Variants in RGS7 observed in about 807,000 individuals in gnomAD.
RGS7 encodes the protein regulator of G-protein signaling 7.
In RGS7, 27 loss-of-function variants were observed where a neutral mutation model predicts 81.1. That is an observed-to-expected ratio of 0.33 (90% CI 0.25 to 0.46). The LOEUF (loss-of-function observed/expected upper bound fraction) is 0.46, where lower values mean the gene tolerates loss of function less well. Ranked by LOEUF, RGS7 falls within the 20% of genes least tolerant of loss-of-function variation. The pLI is 1.00. For synonymous variants in RGS7, 208 were observed against 207.7 expected (o/e 1.00, Z -0.01); for missense variants, 396 against 607.4 (o/e 0.65, Z 3.66).
At position 241,065,891 on chromosome 1, in the gene RGS7, G is replaced by A. The variant is rs188749251; in HGVS notation, c.175+32775C>T. ...TAATAGTATCTCGCAAGATTGTTGC[G>A]GGGATTACATAAATCATGTACTTAG... On this transcript the variant is annotated intron_variant, in intron 3 of 18. Coordinates refer to ENST00000440928, the MANE Select transcript of RGS7 (RefSeq NM_001364886.1). Among the ~76,000 whole-genome samples the A allele has an allele frequency of 2.4e-4, 37 of 152,176 alleles. 1 individual carries two copies. Among genetic ancestry groups the A allele is most frequent in the African/African-American group, 8.2e-4 (34 of 41,520 alleles).
At chr1:241,135,981 T>G (rs1443470618) in intron 2 of RGS7, among the ~76,000 whole-genome samples, 3 of 150,484 alleles carry the variant, frequency 2.0e-5, no homozygotes, top group East Asian at 2.0e-4. Context: ...AAAAAACTAG[T>G]TTGTTATTCT....
At chr1:240,877,842 A>C (rs1665708238) in intron 6 of RGS7, among the ~76,000 whole-genome samples, 1 of 152,226 alleles carries the variant, frequency 6.6e-6, no homozygotes, top group African/African-American at 2.4e-5. Flanking sequence ...CTTTATAACC[A>C]AATTTCAGAA....
chr1:240,899,190 G>C (rs1228921608), intron 6 of RGS7, among the ~76,000 whole-genome samples: 1 of 152,114 alleles, frequency 6.6e-6, no homozygotes, highest in Non-Finnish European at 1.5e-5. Flanking sequence ...CTGTACATGA[G>C]ACGGGTCTCC....
In RGS7 at chr1:240,816,388, T is replaced by C. The variant is rs199976031; in HGVS notation, c.712A>G (p.Arg238Gly). Reference sequence around the variant, plus strand: ...GGTGTGTGGGTAGGACTGTGACTTCTAATATCATTTTGTAAACCATAGACA... The same window carrying C: ...GGTGTGTGGGTAGGACTGTGACTTCCAATATCATTTTGTAAACCATAGACA... ...KSVYGLQNDIRSHSPTHTPTP... is the reference protein window; with the variant it reads ...KSVYGLQNDIGSHSPTHTPTP... Residue 238 changes from arginine to glycine, a missense_variant, in exon 11 of 19, where the codon AGA (arginine) becomes GGA (glycine). Arg to Gly is a moderately radical substitution (Grantham distance 125). Coordinates refer to ENST00000440928, the MANE Select transcript of RGS7 (RefSeq NM_001364886.1). The C allele has an allele frequency of 1.2e-4, 198 of 1,607,860 alleles. No homozygotes were observed. Among genetic ancestry groups the C allele is most frequent in the Non-Finnish European group, 1.4e-4 (159 of 1,174,482 alleles).
At chr1:240,808,246 C>T (rs575212738) in intron 14 of RGS7, among the ~76,000 whole-genome samples, 88 of 152,120 alleles carry the variant, frequency 5.8e-4, no homozygotes, top group African/African-American at 2.0e-3. Flanking sequence ...AGGAAGAGAA[C>T]GAACTAGACG....
At chr1:241,106,242 A>T (rs556127587) in intron 2 of RGS7, among the ~76,000 whole-genome samples, 1 of 152,218 alleles carries the variant, frequency 6.6e-6, no homozygotes, top group African/African-American at 2.4e-5. Context: ...TCTAATTGAT[A>T]TGATTTTTCC....
chr1:240,966,940 T>C (rs1682402170), intron 4 of RGS7, among the ~76,000 whole-genome samples: 1 of 152,226 alleles, frequency 6.6e-6, no homozygotes, highest in East Asian at 1.9e-4. Context: ...TGTTTACTGG[T>C]TACCCAACAT....
At chr1:241,065,392 T>C (rs2062002953) in intron 3 of RGS7, among the ~76,000 whole-genome samples, 2 of 151,856 alleles carry the variant, frequency 1.3e-5, no homozygotes, top group African/African-American at 2.4e-5. Flanking sequence ...CCCCACCCCT[T>C]CCAAATTCTG....
At chr1:240,786,694 T>C (rs749312429) in intron 18 of RGS7, among the ~76,000 whole-genome samples, 1 of 152,198 alleles carries the variant, frequency 6.6e-6, no homozygotes, top group African/African-American at 2.4e-5. Context: ...AGCCCTGCTC[T>C]GCAAGGAACA....
intron 4 of RGS7, among the ~76,000 whole-genome samples, chr1:240,969,735 T>G (rs2148504123): frequency 6.6e-6 from 1 of 152,374 alleles, no homozygotes; most frequent in South Asian, 2.1e-4. Flanking sequence ...ACAGATCACC[T>G]GCTGGTCTCT....
intron 2 of RGS7, among the ~76,000 whole-genome samples, chr1:241,334,860 G>A (rs1323208866): frequency 7.5e-6 from 1 of 133,932 alleles, no homozygotes; most frequent in Non-Finnish European, 1.5e-5. Context: ...TTACACTACA[G>A]AATAAACCAA....
At chr1:241,250,026 T>C (rs1046782245) in intron 2 of RGS7, among the ~76,000 whole-genome samples, 1 of 152,142 alleles carries the variant, frequency 6.6e-6, no homozygotes, top group Non-Finnish European at 1.5e-5. Flanking sequence ...AAAGCAAATA[T>C]ATGTGTTAAG....
chr1:240,841,825 T>C (rs1658058732), intron 9 of RGS7, among the ~76,000 whole-genome samples: 1 of 152,192 alleles, frequency 6.6e-6, no homozygotes, highest in Non-Finnish European at 1.5e-5. Context: ...TGCATCACAC[T>C]TGAAAGAAAA....
chr1:240,957,408 C>G (rs1422386430), intron 4 of RGS7, among the ~76,000 whole-genome samples: 1 of 152,202 alleles, frequency 6.6e-6, no homozygotes, highest in African/African-American at 2.4e-5. Flanking sequence ...TACTGGCTTC[C>G]TTGCTCCTCA....
chr1:241,078,459 A>C (rs1309453097), intron 3 of RGS7, among the ~76,000 whole-genome samples: 1 of 131,212 alleles, frequency 7.6e-6, no homozygotes, highest in Non-Finnish European at 1.6e-5. Context: ...ATCTATACAC[A>C]CATAATGCAC....
At chr1:240,857,336 T>C (rs1193926301) in intron 9 of RGS7, among the ~76,000 whole-genome samples, 1 of 152,134 alleles carries the variant, frequency 6.6e-6, no homozygotes, top group Non-Finnish European at 1.5e-5. Flanking sequence ...TATTAACATC[T>C]TATATTGATG....
chr1:241,098,632 G>A, intron 3 of RGS7, 34 bp downstream of exon 3: 1 of 1,389,336 alleles, frequency 7.2e-7, no homozygotes, highest in Non-Finnish European at 1.0e-6. Flanking sequence ...AAGAGGTACA[G>A]GAGAAAACAG....
intron 2 of RGS7, among the ~76,000 whole-genome samples, chr1:241,136,556 G>A (rs199602400): frequency 6.6e-6 from 1 of 152,170 alleles, no homozygotes; most frequent in South Asian, 2.1e-4. Context: ...ACTGCGCACC[G>A]ATCTTGAGCT....
intron 6 of RGS7, among the ~76,000 whole-genome samples, chr1:240,880,073 C>T (rs142880422): frequency 1.6e-3 from 248 of 152,262 alleles, no homozygotes; most frequent in African/African-American, 5.6e-3. Flanking sequence ...ACAGGGCCTC[C>T]CTCTGTCACC....
Sources: gnomAD v4.1 joint callset for allele counts (sites outside exome capture counted in the v4.1 genomes callset) on GRCh38, gnomAD v4.1.1 for gene constraint, MANE v1.5 for transcripts, NCBI Gene and HGNC (gene_info 2026-07-23, HGNC 2026-07-21) for gene names.